The following MORC1 variants were observed in gnomAD, a reference collection of about 807,000 sequenced individuals.
The protein encoded by MORC1 is MORC family CW-type zinc finger 1.
In MORC1, 59 loss-of-function variants were observed where a neutral mutation model predicts 134.9. The ratio of observed to expected loss-of-function variants is 0.44; its 90% CI spans 0.35 to 0.54. MORC1 has a LOEUF of 0.54. MORC1 is among the 20% of genes least tolerant of loss of function. The probability of loss-of-function intolerance (pLI) is 0.00; values close to 1 mark genes in which losing one functional copy is unlikely to be tolerated. For missense variants in MORC1, 947 were observed against 1,134.5 expected (o/e 0.83, Z 2.37); for synonymous variants, 395 against 391.7 (o/e 1.01, Z -0.10).
At chr3:109,073,881 C>T (rs1165204415) in intron 8 of MORC1, among the ~76,000 whole-genome samples, 1 of 152,014 alleles carries the variant, frequency 6.6e-6, no homozygotes, top group Non-Finnish European at 1.5e-5. Flanking sequence ...GTAGATTAAA[C>T]CTATGAGAAA....
chr3:109,086,074 T>C (rs9841512), intron 8 of MORC1, among the ~76,000 whole-genome samples: 13,425 of 151,996 alleles, frequency 0.088, 1,565 homozygotes, highest in African/African-American at 0.26. Flanking sequence ...AGAATGGTAG[T>C]TACCAGAGGC....
At chr3:109,079,144 A>G (rs1185990790) in intron 8 of MORC1, among the ~76,000 whole-genome samples, 1 of 152,058 alleles carries the variant, frequency 6.6e-6, no homozygotes, top group East Asian at 1.9e-4. Context: ...CTATATACCA[A>G]TCAATACTAA....
intron 1 of MORC1, 112 bp downstream of exon 1, chr3:109,117,883 T>G (rs548994711): frequency 4.1e-5 from 36 of 875,424 alleles, no homozygotes; most frequent in Non-Finnish European, 5.7e-5. Context: ...AATAAATAAA[T>G]AAATCCATAA....
chr3:109,058,848 A>AT (rs1417564933), intron 12 of MORC1, among the ~76,000 whole-genome samples: 1 of 152,038 alleles, frequency 6.6e-6, no homozygotes, highest in Non-Finnish European at 1.5e-5. Flanking sequence ...GCATTTTGCC[A>AT]TTAAAACAAG....
intron 13 of MORC1, among the ~76,000 whole-genome samples, chr3:109,056,428 C>T (rs904353724): frequency 6.6e-6 from 1 of 152,088 alleles, no homozygotes; most frequent in Non-Finnish European, 1.5e-5. Context: ...GGGGTTTCAC[C>T]GTGCTAGCCA....
rs747697357 is a variant in MORC1, at chr3:109,027,884, T to C, written c.1571A>G (p.His524Arg). The C allele has an allele frequency of 7.4e-6, 12 of 1,613,336 alleles. No individual in the cohort carries two copies. The highest frequency in any genetic ancestry group is 1.0e-5 in the Non-Finnish European group (12 of 1,179,622). ...NNPNRLENSC[H>R]QVECLPSIPL... Reference sequence around the variant, plus strand: ...GATGGAAGGTAGACATTCTACCTGATGACAACTTCAGAATCAACAAGTACA... The same window carrying C: ...GATGGAAGGTAGACATTCTACCTGACGACAACTTCAGAATCAACAAGTACA... The change falls in exon 17 of 28, where the codon CAT (histidine) becomes CGT (arginine). Residue 524 changes from histidine (H) to arginine (R), a missense_variant. Coordinates refer to ENST00000232603, the MANE Select transcript of MORC1 (RefSeq NM_014429.4).
chr3:108,963,498 T>A lies in MORC1; in HGVS notation c.2715A>T (p.Gln905His), dbSNP rs772098754. The A allele has an allele frequency of 1.7e-5, 27 of 1,612,318 alleles. No individual in the cohort carries two copies. In the East Asian group the frequency reaches 6.0e-4, roughly 36 times the overall value. The change falls in exon 27 of 28, where the codon CAA becomes CAT. Residue 905 changes from glutamine (Q) to histidine (H), a missense_variant. Coordinates refer to ENST00000232603, the MANE Select transcript of MORC1 (RefSeq NM_014429.4). ...CAGAGATTTTTCTTTTATTTTCACA[T>A]TGCCCCAGAGAGATTTCATTATGTA... is the stretch of plus-strand genomic sequence containing the variant. ...RGIHNEISLG[Q>H]CENKRKISED...
intron 14 of MORC1, among the ~76,000 whole-genome samples, chr3:109,043,159 T>C (rs1453860167): frequency 1.8e-5 from 2 of 110,438 alleles, no homozygotes; most frequent in South Asian, 3.5e-4. Context: ...TATCCACAGA[T>C]GAATGGATAA....
intron 27 of MORC1, among the ~76,000 whole-genome samples, chr3:108,959,715 T>C (rs969400591): frequency 6.6e-6 from 1 of 152,174 alleles, no homozygotes; most frequent in African/African-American, 2.4e-5. Context: ...AAAATGCATA[T>C]TATGAAAAAA....
intron 20 of MORC1, among the ~76,000 whole-genome samples, chr3:109,004,049 C>A (rs1948477283): frequency 6.6e-6 from 1 of 152,106 alleles, no homozygotes; most frequent in Non-Finnish European, 1.5e-5. Context: ...GCCTGGGCGA[C>A]AGAGCGAGAC....
intron 1 of MORC1, among the ~76,000 whole-genome samples, 174 bp downstream of exon 1, chr3:109,117,821 G>C (rs569936624): frequency 6.6e-6 from 1 of 152,214 alleles, no homozygotes; most frequent in East Asian, 1.9e-4. Flanking sequence ...GCCTGGCCCA[G>C]AATATATCTT....
In MORC1 at chr3:109,062,481, C is replaced by T. The variant is rs182522606; in HGVS notation, c.896-423G>A. On this transcript the variant is annotated intron_variant, in intron 10 of 27. Transcript: ENST00000232603. ...TATCACCCAGGCTGGAGTGCAGTGG[C>T]GCGATCTCAGCTCACTGCAAACTCC... Among the ~76,000 whole-genome samples, 282 of 148,396 alleles carry T rather than the reference C, an allele frequency of 1.9e-3. 3 individuals carry two copies. The highest frequency in any genetic ancestry group is 6.3e-3 in the African/African-American group (251 of 40,008).
chr3:109,026,327 T>C (rs114219787), intron 17 of MORC1, among the ~76,000 whole-genome samples: 214 of 152,292 alleles, frequency 1.4e-3, no homozygotes, highest in African/African-American at 5.1e-3. Context: ...TGAAACAAAC[T>C]GGATCTATAA....
chr3:108,979,796 A>C (rs1161918716), intron 23 of MORC1, 129 bp from the exon 24 acceptor site: 1 of 882,060 alleles, frequency 1.1e-6, no homozygotes, highest in Non-Finnish European at 1.7e-6. Flanking sequence ...AATGCCGAAA[A>C]CTGCCACCAC....
At chr3:109,056,321 G>A (rs372143406) in intron 13 of MORC1, among the ~76,000 whole-genome samples, 5 of 152,068 alleles carry the variant, frequency 3.3e-5, no homozygotes, top group Admixed American at 6.5e-5. Flanking sequence ...TCTGCCTCCC[G>A]GGTTCATGCC....
chr3:108,962,394 C>T (rs761504935), intron 27 of MORC1, among the ~76,000 whole-genome samples: 1 of 152,008 alleles, frequency 6.6e-6, no homozygotes, highest in African/African-American at 2.4e-5. Context: ...ATGTTCACAA[C>T]CAGGAATGAA....
rs1482423934 is a variant in MORC1, at chr3:109,059,361, T to C, written c.1031+445A>G. The stretch of plus-strand genomic sequence containing the variant: ...TTCATTTTTAGCGATATATAAGCAA[T>C]ACATTCACGTGAAACATTATTTCCT... On this transcript the variant is annotated intron_variant, in intron 12 of 27. Transcript: ENST00000232603. Among the ~76,000 whole-genome samples, 4 of 152,234 alleles carry C rather than the reference T, an allele frequency of 2.6e-5. No homozygotes were observed. The South Asian group carries it at 8.3e-4, about 32-fold the overall frequency.
At chr3:108,967,013 T>G (rs1170157812) in intron 26 of MORC1, among the ~76,000 whole-genome samples, 1 of 152,216 alleles carries the variant, frequency 6.6e-6, no homozygotes, top group Non-Finnish European at 1.5e-5. Flanking sequence ...TGTAAGTTTC[T>G]CCCGTGCTTT....
intron 27 of MORC1, 47 bp downstream of exon 27, chr3:108,963,366 GT>G (rs1199861123): frequency 6.7e-7 from 1 of 1,491,250 alleles, no homozygotes; most frequent in African/African-American, 1.4e-5. Context: ...CTGAGTTCTC[GT>G]TCCATAGAGT....
Sources: gnomAD v4.1 joint callset for allele counts (sites outside exome capture counted in the v4.1 genomes callset) on GRCh38, gnomAD v4.1.1 for gene constraint, MANE v1.5 for transcripts, NCBI Gene and HGNC (gene_info 2026-07-23, HGNC 2026-07-21) for gene names.